Variants in PHACTR3 observed in about 807,000 individuals in gnomAD.
PHACTR3 encodes phosphatase and actin regulator 3, also known as protein phosphatase 1, regulatory subunit 123.
Under a neutral mutation model 66.8 loss-of-function variants are expected in PHACTR3, and 16 were observed. That is an observed-to-expected ratio of 0.24 (90% confidence interval 0.16 to 0.36). The LOEUF (loss-of-function observed/expected upper bound fraction) is 0.36, where lower values mean the gene tolerates loss of function less well. Ranked by LOEUF, PHACTR3 falls within the 10% of genes least tolerant of loss-of-function variation. PHACTR3 has a pLI of 1.00. For synonymous variants in PHACTR3, 323 were observed against 292.1 expected (o/e 1.11, Z -1.08); for missense variants, 647 against 719.9 (o/e 0.90, Z 1.16).
intron 1 of PHACTR3, among the ~76,000 whole-genome samples, chr20:59,708,923 G>C (rs569278741): frequency 1.6e-4 from 24 of 152,334 alleles, no homozygotes; most frequent in Non-Finnish European, 2.4e-4. Context: ...GGGGGAAAGA[G>C]AGTTCCTTCA....
At chr20:59,666,140 C>G (rs183847498) in intron 1 of PHACTR3, among the ~76,000 whole-genome samples, 212 of 152,280 alleles carry the variant, frequency 1.4e-3, no homozygotes, top group African/African-American at 4.6e-3. Flanking sequence ...CTCACTTGGA[C>G]TTTCTGTGGC....
At chr20:59,822,663 A>T (rs1289414112) in intron 8 of PHACTR3, among the ~76,000 whole-genome samples, 1 of 152,030 alleles carries the variant, frequency 6.6e-6, no homozygotes, top group Non-Finnish European at 1.5e-5. Context: ...TAAATCAAGG[A>T]CACTTTCAGA....
chr20:59,787,118 G>A (rs1414226956), intron 7 of PHACTR3, among the ~76,000 whole-genome samples: 3 of 152,218 alleles, frequency 2.0e-5, no homozygotes, highest in South Asian at 4.1e-4. Flanking sequence ...CTAGACACAC[G>A]GGGTAGGAAA....
At chr20:59,598,711 C>T (rs1314522682) in intron 1 of PHACTR3, among the ~76,000 whole-genome samples, 1 of 152,154 alleles carries the variant, frequency 6.6e-6, no homozygotes, top group Non-Finnish European at 1.5e-5. Context: ...GGTAGAGAGT[C>T]CCTCAGGGAT....
intron 4 of PHACTR3, among the ~76,000 whole-genome samples, chr20:59,758,258 A>G (rs1188424759): frequency 1.3e-5 from 2 of 152,204 alleles, no homozygotes; most frequent in Non-Finnish European, 2.9e-5. Flanking sequence ...AACATTATTA[A>G]TGTTCAATTA....
At chr20:59,833,452 T>C (rs372275231) in intron 8 of PHACTR3, among the ~76,000 whole-genome samples, 3 of 152,340 alleles carry the variant, frequency 2.0e-5, no homozygotes, top group South Asian at 2.1e-4. Flanking sequence ...CAAGCATGCA[T>C]TGTCACAAAC....
Position 59,613,301 on chromosome 20 carries a change from T to C in PHACTR3, c.118+8169T>C, listed in dbSNP as rs528304383. Among the ~76,000 whole-genome samples, 17 of 152,318 alleles carry C rather than the reference T, an allele frequency of 1.1e-4. No homozygotes were observed. The East Asian group carries it at 3.3e-3, about 29-fold the overall frequency. Reference sequence around the variant, plus strand: ...GGCGTCCCTGTCGTAGGGTGGGACGTTCAGTGAATTTCATACTGAATTCTG... The same window carrying C: ...GGCGTCCCTGTCGTAGGGTGGGACGCTCAGTGAATTTCATACTGAATTCTG... On this transcript the variant is annotated intron_variant, in intron 1 of 12. Transcript: ENST00000371015.
chr20:59,621,764 G>A (rs2034248564), intron 1 of PHACTR3, among the ~76,000 whole-genome samples: 1 of 152,198 alleles, frequency 6.6e-6, no homozygotes, highest in African/African-American at 2.4e-5. Flanking sequence ...ACCACATACT[G>A]TGTGCCAAGC....
At chr20:59,750,954 G>GA (rs1382308954) in intron 3 of PHACTR3, among the ~76,000 whole-genome samples, 1 of 152,200 alleles carries the variant, frequency 6.6e-6, no homozygotes, top group Non-Finnish European at 1.5e-5. Context: ...TTTTCTCACT[G>GA]GGTCGACCTG....
At chr20:59,635,330 G>A (rs959599273) in intron 1 of PHACTR3, among the ~76,000 whole-genome samples, 1 of 148,892 alleles carries the variant, frequency 6.7e-6, no homozygotes, top group Non-Finnish European at 1.5e-5. Context: ...CACCTCCCAG[G>A]TACAAGCAAT....
intron 1 of PHACTR3, among the ~76,000 whole-genome samples, chr20:59,590,606 C>T (rs1010197671): frequency 2.6e-5 from 4 of 152,194 alleles, no homozygotes; most frequent in African/African-American, 9.7e-5. Context: ...CCACGCCAGC[C>T]CTCCTGCTCC....
At chr20:59,826,822 A>G (rs559266398) in intron 8 of PHACTR3, among the ~76,000 whole-genome samples, 1 of 152,224 alleles carries the variant, frequency 6.6e-6, no homozygotes, top group African/African-American at 2.4e-5. Flanking sequence ...TCCTTTCAAA[A>G]GTAGCATTGG....
intron 1 of PHACTR3, among the ~76,000 whole-genome samples, chr20:59,700,870 G>A (rs1293408106): frequency 6.6e-6 from 1 of 152,118 alleles, no homozygotes; most frequent in African/African-American, 2.4e-5. Context: ...GCTCTTTGCA[G>A]CCTCGACCTC....
chr20:59,735,934 C>A (rs372062026), intron 1 of PHACTR3, among the ~76,000 whole-genome samples: 31 of 152,118 alleles, frequency 2.0e-4, no homozygotes, highest in Non-Finnish European at 3.5e-4. Context: ...GTCAGTGTTC[C>A]GTCAGTCCTA....
chr20:59,658,033 C>T lies in PHACTR3; in HGVS notation c.118+52901C>T, dbSNP rs145852369. ...CTCTGCTCTTCAGATTGAATAATCT[C>T]TGACTGTCTTCAAGTTCAATGATTC... On this transcript the variant is annotated intron_variant, in intron 1 of 12. Coordinates refer to ENST00000371015, the MANE Select transcript of PHACTR3 (RefSeq NM_080672.5). Among the ~76,000 whole-genome samples the T allele has an allele frequency of 9.0e-3, 1,367 of 152,206 alleles. 27 individuals carry two copies. Among genetic ancestry groups the T allele is most frequent in the African/African-American group, 0.031 (1,286 of 41,532 alleles).
intron 1 of PHACTR3, among the ~76,000 whole-genome samples, chr20:59,653,383 C>T (rs147118031): frequency 0.019 from 2,825 of 152,190 alleles, 34 homozygotes; most frequent in Non-Finnish European, 0.03. Context: ...CGGGGTTTCA[C>T]TATGTTGGTC....
At position 59,604,935 on chromosome 20, in the gene PHACTR3, C is replaced by T; in HGVS notation, c.-80C>T. 8.1e-7 allele frequency: 1 copy of T among 1,232,436 alleles called. No individual in the cohort carries two copies. The highest frequency in any genetic ancestry group is 1.0e-6 in the Non-Finnish European group (1 of 986,788). 76.3% of individuals were successfully genotyped at this position (1,232,436 alleles called of 1,614,324 possible). ...TTTAAAAAGACGCCCCCTCCAGCCC[C>T]CTCGCCGGTGACCTTGGCCGCCTCG... On this transcript the variant is annotated 5_prime_UTR_variant, in exon 1 of 13. Transcript: ENST00000371015.
Position 59,695,246 on chromosome 20 carries a change from C to T in PHACTR3, c.119-47861C>T, listed in dbSNP as rs529394110. Among the ~76,000 whole-genome samples the T allele has an allele frequency of 7.2e-5, 11 of 152,206 alleles. No homozygotes were observed. The South Asian group carries it at 2.3e-3, about 32-fold the overall frequency. ...CCAAATCTCATGTCGAATTGTAATC[C>T]GTAGTGTTGGAAGAGGGGCCTGGTG... is the stretch of plus-strand genomic sequence containing the variant. On this transcript the variant is annotated intron_variant, in intron 1 of 12. Coordinates refer to ENST00000371015, the MANE Select transcript of PHACTR3 (RefSeq NM_080672.5).
intron 8 of PHACTR3, 151 bp downstream of exon 8, chr20:59,806,345 GGCCGTGTGGA>G: frequency 2.1e-6 from 2 of 966,458 alleles, no homozygotes; most frequent in Admixed American, 5.7e-5. Context: ...TGACGTTTGG[GGCCGTGTGGA>G]GGCCCTTTCC....
Sources: allele counts gnomAD v4.1 joint callset (sites outside exome capture counted in the v4.1 genomes callset), GRCh38; gene constraint gnomAD v4.1.1; transcripts MANE v1.5; gene names NCBI Gene and HGNC (gene_info 2026-07-23, HGNC 2026-07-21).